Variants in ATXN7L1 observed in about 807,000 individuals in gnomAD.
The protein encoded by ATXN7L1 is ataxin 7 like 1.
In ATXN7L1, 15 loss-of-function variants were observed where a neutral mutation model predicts 70.8. The observed-to-expected ratio is 0.21, with a 90% confidence interval of 0.14 to 0.33. The LOEUF (loss-of-function observed/expected upper bound fraction) is 0.33. ATXN7L1 is among the 10% of genes least tolerant of loss of function. The probability of loss-of-function intolerance (pLI) is 1.00; values close to 1 mark genes in which losing one functional copy is unlikely to be tolerated. For synonymous variants in ATXN7L1, 440 were observed against 445.1 expected (o/e 0.99, Z 0.14); for missense variants, 975 against 1,097.1 (o/e 0.89, Z 1.57).
chr7:105,856,579 T>C, intron 2 of ATXN7L1, among the ~76,000 whole-genome samples: 1 of 133,618 alleles, frequency 7.5e-6, no homozygotes, highest in African/African-American at 2.8e-5. Flanking sequence ...AGAGTGAGAC[T>C]CAGTCTCAAA....
At chr7:105,853,945 G>A (rs1347407644) in intron 2 of ATXN7L1, among the ~76,000 whole-genome samples, 2 of 152,076 alleles carry the variant, frequency 1.3e-5, no homozygotes, top group African/African-American at 4.8e-5. Flanking sequence ...CTCATTTCCC[G>A]GGGCCCGACA....
chr7:105,839,815 T>C (rs1812937384), intron 2 of ATXN7L1, among the ~76,000 whole-genome samples: 1 of 152,158 alleles, frequency 6.6e-6, no homozygotes, highest in Admixed American at 6.5e-5. Flanking sequence ...ATACGGTCTG[T>C]GTTAAAGGCA....
intron 9 of ATXN7L1, chr7:105,618,218 G>A (rs1794213463): frequency 2.8e-6 from 1 of 361,380 alleles, no homozygotes. Context: ...GCAAAGAGCT[G>A]CGAGGATCAC....
chr7:105,864,438 CAG>C (rs901754502), intron 2 of ATXN7L1, among the ~76,000 whole-genome samples: 2 of 106,394 alleles, frequency 1.9e-5, no homozygotes. Context: ...GCCTGGGTGG[CAG>C]AGAGAGGCCC....
Position 105,665,094 on chromosome 7 carries a change from G to C in ATXN7L1, c.550C>G (p.Pro184Ala), listed in dbSNP as rs866960807. Residue 184 changes from proline (P) to alanine (A), a missense_variant, in exon 4 of 12, where the codon CCT becomes GCT. By Grantham distance (27) the Pro-to-Ala change is conservative. Transcript: ENST00000419735. Reference sequence around the variant, plus strand: ...GGTTTATCCCTTGATCCTTTCGCAGGAAAGACTGTGTGCTGTTTGCTGCTG... The same window carrying C: ...GGTTTATCCCTTGATCCTTTCGCAGCAAAGACTGTGTGCTGTTTGCTGCTG... ...TSSSKQHTVF[P>A]AKGSRDKPCV... 3 of 1,551,440 alleles carry C rather than the reference G, an allele frequency of 1.9e-6. No homozygotes were observed. The highest frequency in any genetic ancestry group is 4.9e-5 in the East Asian group (2 of 40,914).
At chr7:105,620,159 G>A in intron 9 of ATXN7L1, 41 bp downstream of exon 9, 1 of 1,546,792 alleles carries the variant, frequency 6.5e-7, no homozygotes, top group Non-Finnish European at 8.7e-7. Flanking sequence ...GTAACTGTGG[G>A]GCAGCTTGGA....
chr7:105,780,512 CTT>C (rs1803369764), intron 3 of ATXN7L1, among the ~76,000 whole-genome samples: 1 of 152,002 alleles, frequency 6.6e-6, no homozygotes, highest in South Asian at 2.1e-4. Flanking sequence ...CTAATCCTCT[CTT>C]GTCTATTGAA....
At chr7:105,777,974 T>C (rs1022051160) in intron 3 of ATXN7L1, among the ~76,000 whole-genome samples, 3 of 152,388 alleles carry the variant, frequency 2.0e-5, no homozygotes, top group Middle Eastern at 6.8e-3. Context: ...ATCATGTATT[T>C]GTTTATGTTA....
At chr7:105,687,922 A>T (rs1790168080) in intron 3 of ATXN7L1, among the ~76,000 whole-genome samples, 1 of 152,222 alleles carries the variant, frequency 6.6e-6, no homozygotes. Context: ...GGCTTTAGTC[A>T]TACAAAGAAA....
chr7:105,701,674 G>A (rs1224611965), intron 3 of ATXN7L1, among the ~76,000 whole-genome samples: 1 of 152,170 alleles, frequency 6.6e-6, no homozygotes, highest in Non-Finnish European at 1.5e-5. Context: ...AAAAGGGTAA[G>A]TTAAATCTTT....
chr7:105,618,532 G>C (rs1171324171), intron 9 of ATXN7L1, among the ~76,000 whole-genome samples: 2 of 152,108 alleles, frequency 1.3e-5, no homozygotes, highest in African/African-American at 4.8e-5. Context: ...AGCTCTTTAG[G>C]CTTCCAGAAA....
At chr7:105,720,872 C>T (rs500692) in intron 3 of ATXN7L1, among the ~76,000 whole-genome samples, 10,241 of 152,072 alleles carry the variant, frequency 0.067, 412 homozygotes, top group African/African-American at 0.093. Context: ...TTGGGATGTG[C>T]TCCCAAGGGA....
intron 3 of ATXN7L1, among the ~76,000 whole-genome samples, chr7:105,733,565 TCCTTCCATCCATCCAC>T (rs1796883780): frequency 9.1e-5 from 1 of 10,990 alleles, no homozygotes; most frequent in Admixed American, 9.0e-4. Context: ...CACCCATCCA[TCCTTCCATCCATCCAC>T]CCATCCATCC....
chr7:105,819,670 A>G, intron 2 of ATXN7L1: 1 of 945,308 alleles, frequency 1.1e-6, no homozygotes, highest in Non-Finnish European at 1.7e-6. Flanking sequence ...TTCCTCCGCA[A>G]GCAGATGAAC....
chr7:105,631,824 T>A (rs1337368169), intron 7 of ATXN7L1, among the ~76,000 whole-genome samples: 1 of 152,210 alleles, frequency 6.6e-6, no homozygotes, highest in Non-Finnish European at 1.5e-5. Context: ...GAAGTTGAAC[T>A]GGAGAGATTC....
At chr7:105,790,611 T>C (rs1340480974) in intron 2 of ATXN7L1, among the ~76,000 whole-genome samples, 3 of 70,478 alleles carry the variant, frequency 4.3e-5, no homozygotes, top group African/African-American at 1.6e-4. Context: ...AAAAATTATC[T>C]ATCTATCTAT....
chr7:105,645,200 T>C (rs1798806110), intron 4 of ATXN7L1, among the ~76,000 whole-genome samples: 1 of 152,164 alleles, frequency 6.6e-6, no homozygotes, highest in Admixed American at 6.5e-5. Context: ...ACAGTGTGAA[T>C]GTACTTAATA....
chr7:105,637,784 G>A (rs1031305474), intron 7 of ATXN7L1, among the ~76,000 whole-genome samples: 1 of 152,196 alleles, frequency 6.6e-6, no homozygotes, highest in Non-Finnish European at 1.5e-5. Flanking sequence ...CTTTCCTGGT[G>A]TGGAGAGACA....
intron 2 of ATXN7L1, among the ~76,000 whole-genome samples, chr7:105,859,928 G>A (rs1212435753): frequency 2.0e-5 from 3 of 150,140 alleles, no homozygotes; most frequent in Admixed American, 1.3e-4. Flanking sequence ...GGTTACAGGT[G>A]TGTGTGACCA....
Sources: allele counts gnomAD v4.1 joint callset (sites outside exome capture counted in the v4.1 genomes callset), GRCh38; gene constraint gnomAD v4.1.1; transcripts MANE v1.5; gene names NCBI Gene and HGNC (gene_info 2026-07-23, HGNC 2026-07-21).